Variants in ZNF423 observed in about 807,000 individuals in gnomAD.
ZNF423 encodes the protein zinc finger protein 423.
Under a neutral mutation model 95.8 loss-of-function variants are expected in ZNF423, and 12 were observed. That is an observed-to-expected ratio of 0.13 (90% CI 0.08 to 0.20). The LOEUF (loss-of-function observed/expected upper bound fraction) is 0.20. Ranked by LOEUF, ZNF423 falls within the 10% of genes least tolerant of loss-of-function variation. The pLI is 1.00. For synonymous variants in ZNF423, 749 were observed against 711.9 expected (o/e 1.05, Z -0.83); for missense variants, 1,316 against 1,737.1 (o/e 0.76, Z 4.31).
intron 3 of ZNF423, among the ~76,000 whole-genome samples, chr16:49,709,795 A>G (rs12709071): frequency 0.31 from 46,786 of 152,014 alleles, 7,766 homozygotes; most frequent in African/African-American, 0.43. Flanking sequence ...GTCTCCATCT[A>G]TGAGGAGTGG....
rs1040574325 is a variant in ZNF423 at position 49,556,320 on chromosome 16, C to T, written c.3602-30826G>A. Among the ~76,000 whole-genome samples, 3 of 152,166 alleles carry T rather than the reference C, an allele frequency of 2.0e-5. No individual in the cohort carries two copies. The East Asian group carries it at 5.8e-4, about 29-fold the overall frequency. On this transcript the variant is annotated intron_variant, in intron 5 of 7. Coordinates refer to ENST00000563137, the MANE Select transcript of ZNF423 (RefSeq NM_001379286.1). Reference sequence around the variant, plus strand: ...ACTCTTCAAGTCAGAGCAGAAGTGCCCCCTCTTCTCCAAAGCCCTCCCTCT... The same window carrying T: ...ACTCTTCAAGTCAGAGCAGAAGTGCTCCCTCTTCTCCAAAGCCCTCCCTCT...
intron 3 of ZNF423, among the ~76,000 whole-genome samples, chr16:49,651,435 C>G (rs900416310): frequency 6.6e-6 from 1 of 152,152 alleles, no homozygotes; most frequent in Admixed American, 6.5e-5. Flanking sequence ...ACCCCCACCC[C>G]CCTGCATGCC....
chr16:49,717,013 C>A (rs1298938873), intron 3 of ZNF423, among the ~76,000 whole-genome samples: 2 of 152,106 alleles, frequency 1.3e-5, no homozygotes, highest in East Asian at 1.9e-4. Context: ...ATCTCTCAGC[C>A]CCAAGCCTGC....
intron 3 of ZNF423, among the ~76,000 whole-genome samples, chr16:49,689,004 G>A (rs2031675269): frequency 6.6e-6 from 1 of 152,204 alleles, no homozygotes; most frequent in African/African-American, 2.4e-5. Context: ...AGCATACCAG[G>A]CACCTCAGGA....
intron 7 of ZNF423, among the ~76,000 whole-genome samples, chr16:49,497,653 T>A (rs1210834764): frequency 1.3e-5 from 2 of 152,146 alleles, no homozygotes; most frequent in African/African-American, 4.8e-5. Flanking sequence ...TGCCCACCAC[T>A]GGCCACTCCC....
At chr16:49,573,270 C>G (rs1181825638) in intron 5 of ZNF423, among the ~76,000 whole-genome samples, 2 of 152,086 alleles carry the variant, frequency 1.3e-5, no homozygotes, top group East Asian at 3.9e-4. Flanking sequence ...CTGGGAGACT[C>G]CAGGCCAGTG....
intron 2 of ZNF423, among the ~76,000 whole-genome samples, chr16:49,767,678 G>C (rs2033954061): frequency 6.6e-6 from 1 of 152,134 alleles, no homozygotes; most frequent in Non-Finnish European, 1.5e-5. Context: ...TTTAATCCCA[G>C]GGAGAGTCAG....
At chr16:49,704,010 T>C (rs538704554) in intron 3 of ZNF423, among the ~76,000 whole-genome samples, 13 of 152,176 alleles carry the variant, frequency 8.5e-5, no homozygotes, top group African/African-American at 2.6e-4. Context: ...CTCCATTCAG[T>C]GCAAGGGAGG....
Position 49,502,913 on chromosome 16 carries a change from T to TACAC in ZNF423, c.3850-11613_3850-11610dup, listed in dbSNP as rs55819934. On this transcript the variant is annotated intron_variant, in intron 7 of 7. Coordinates refer to ENST00000563137, the MANE Select transcript of ZNF423 (RefSeq NM_001379286.1). ...GTCCCCACAATCCCATGTGCACGCATACACACACACACACACACACACACA... is the reference window on the plus strand; with the variant it reads ...GTCCCCACAATCCCATGTGCACGCATACACACACACACACACACACACACACACA... Among the ~76,000 whole-genome samples, 58 of 122,880 alleles carry TACAC rather than the reference T, an allele frequency of 4.7e-4. 1 individual carries two copies. In the Middle Eastern group the frequency reaches 0.016, roughly 35 times the overall value. The allele number at this position is 122,880 out of a possible 152,430, so 80.6% of individuals were successfully genotyped here. A position where few individuals can be genotyped will look rare whatever the true frequency, so the allele number is the denominator to read the frequency against.
chr16:49,657,481 G>A (rs904751506), intron 3 of ZNF423, among the ~76,000 whole-genome samples: 1 of 152,242 alleles, frequency 6.6e-6, no homozygotes, highest in East Asian at 1.9e-4. Flanking sequence ...GACAGTCTGA[G>A]TAAAAGAGCC....
intron 3 of ZNF423, among the ~76,000 whole-genome samples, chr16:49,709,168 T>TTATATATATA (rs534895949): frequency 4.3e-5 from 4 of 93,420 alleles, no homozygotes; most frequent in African/African-American, 2.0e-4. Flanking sequence ...CAGCAGCCGT[T>TTATATATATA]TATATATATA....
intron 3 of ZNF423, among the ~76,000 whole-genome samples, chr16:49,673,851 A>G (rs530265901): frequency 5.9e-5 from 9 of 152,224 alleles, no homozygotes; most frequent in Non-Finnish European, 1.3e-4. Flanking sequence ...CATGAGCTCT[A>G]AAGGAGGCTG....
intron 3 of ZNF423, among the ~76,000 whole-genome samples, chr16:49,643,743 CA>C (rs1418141392): frequency 6.6e-6 from 1 of 151,992 alleles, no homozygotes; most frequent in African/African-American, 2.4e-5. Context: ...ACTAATCCTG[CA>C]AAAAGGCCAA....
chr16:49,578,666 C>T (rs962935901), intron 5 of ZNF423, among the ~76,000 whole-genome samples: 6 of 152,198 alleles, frequency 3.9e-5, no homozygotes, highest in South Asian at 2.1e-4. Context: ...CCTGGTGCCA[C>T]GGAGCAGGGC....
intron 5 of ZNF423, among the ~76,000 whole-genome samples, chr16:49,586,111 CT>C (rs1415586728): frequency 6.6e-6 from 1 of 152,242 alleles, no homozygotes; most frequent in Non-Finnish European, 1.5e-5. Context: ...ACTGCTAACT[CT>C]CCTGGCCTCA....
At chr16:49,553,833 A>G (rs1969729380) in intron 5 of ZNF423, among the ~76,000 whole-genome samples, 1 of 152,210 alleles carries the variant, frequency 6.6e-6, no homozygotes, top group African/African-American at 2.4e-5. Flanking sequence ...AGATTCTCTC[A>G]TAACATTTTC....
intron 3 of ZNF423, among the ~76,000 whole-genome samples, chr16:49,729,074 A>C (rs953868276): frequency 6.6e-5 from 10 of 152,212 alleles, no homozygotes; most frequent in African/African-American, 2.4e-4. Flanking sequence ...AGACAGGAGA[A>C]TCTCCTTGAT....
intron 1 of ZNF423, chr16:49,822,727 C>T (rs768880032): frequency 2.5e-6 from 4 of 1,605,670 alleles, no homozygotes; most frequent in Non-Finnish European, 3.4e-6. Flanking sequence ...CATCCTTCTC[C>T]AGGAAGTTTT....
At chr16:49,639,509 G>A (rs183510859) in intron 3 of ZNF423, among the ~76,000 whole-genome samples, 1 of 152,222 alleles carries the variant, frequency 6.6e-6, no homozygotes, top group Admixed American at 6.5e-5. Context: ...GCAGACTTCA[G>A]TGCTCAGGTG....
Sources: allele counts gnomAD v4.1 joint callset (sites outside exome capture counted in the v4.1 genomes callset), GRCh38; gene constraint gnomAD v4.1.1; transcripts MANE v1.5; gene names NCBI Gene and HGNC (gene_info 2026-07-23, HGNC 2026-07-21).